The following IQSEC1 variants were observed in gnomAD, a reference collection of about 807,000 sequenced individuals.
IQSEC1 encodes IQ motif and SEC7 domain-containing protein 1.
Under a neutral mutation model 91.0 loss-of-function variants are expected in IQSEC1, and 31 were observed. That is an observed-to-expected ratio of 0.34 (90% CI 0.26 to 0.46). The LOEUF (loss-of-function observed/expected upper bound fraction) is 0.46, where lower values mean the gene tolerates loss of function less well. Among genes scored for constraint, IQSEC1 ranks in the 20% least tolerant of loss-of-function variants. The probability of loss-of-function intolerance (pLI) is 1.00; values close to 1 mark genes in which losing one functional copy is unlikely to be tolerated. For synonymous variants in IQSEC1, 699 were observed against 662.6 expected, an observed-to-expected ratio of 1.05 and a Z score of -0.84; for missense variants, 1,388 against 1,575.6, an observed-to-expected ratio of 0.88 and a Z score of 2.02.
intron 2 of IQSEC1, among the ~76,000 whole-genome samples, chr3:13,140,678 C>T (rs188982185): frequency 7.4e-4 from 112 of 152,290 alleles, no homozygotes; most frequent in Non-Finnish European, 9.1e-4. Flanking sequence ...AGACCATGCG[C>T]GCCCCAGCAC....
At position 12,898,195 on chromosome 3, in the gene IQSEC1, G is replaced by C. The variant is rs1236245133; in HGVS notation, c.*2788C>G. 4 of 152,258 alleles carry C rather than the reference G, an allele frequency of 2.6e-5. No individual in the cohort carries two copies. Among genetic ancestry groups the C allele is most frequent in the Non-Finnish European group, 4.4e-5 (3 of 68,058 alleles). The allele number at this position is 152,258 out of a possible 1,614,324, so 9.4% of individuals were successfully genotyped here. ...CCCGAAGCTGTGGCTCTGACAGGTG[G>C]GATCTCTAAAGGGGACAGTCCCATG... On this transcript the variant is annotated 3_prime_UTR_variant, in exon 14 of 14. Coordinates refer to ENST00000613206, the MANE Select transcript of IQSEC1 (RefSeq NM_001134382.3).
rs1702753812 is a variant in IQSEC1 at position 13,008,970 on chromosome 3, C to T, written c.23+64022G>A. 6.6e-6 allele frequency among the ~76,000 whole-genome samples: 1 copy of T among 152,230 alleles called. No individual in the cohort carries two copies. The highest frequency in any genetic ancestry group is 1.5e-5 in the Non-Finnish European group (1 of 68,050). ...GCCCAGAGAAGTGAAGTGACTTGCACAAGGCCACATGGCTTGTATGCTGCA... is the reference window on the plus strand; with the variant it reads ...GCCCAGAGAAGTGAAGTGACTTGCATAAGGCCACATGGCTTGTATGCTGCA... On this transcript the variant is annotated intron_variant, in intron 1 of 13. Coordinates refer to ENST00000613206, the MANE Select transcript of IQSEC1 (RefSeq NM_001134382.3). This position sits in a 1 kb window ranked among gnomAD's most constrained non-coding sequence, Gnocchi z 4.1.
chr3:13,108,021 A>C (rs542254437), intron 2 of IQSEC1, among the ~76,000 whole-genome samples: 2 of 112,430 alleles, frequency 1.8e-5, no homozygotes, highest in African/African-American at 3.4e-5. Context: ...CAAACAAAAA[A>C]ATTATAAAAA....
At position 12,935,810 on chromosome 3, in the gene IQSEC1, G is replaced by A. The variant is rs1698122946; in HGVS notation, c.1206C>T (p.Gly402=). ...CGCTGTGGGGACCATGCTTGGGACT[G>A]CCCTGCTGCCCGCCAAGGCTGCGCT... The part of the protein sequence containing the change: ...AYERSLGGQQ[G]SPKHGPHSGA... The change falls in exon 3 of 14, where the codon GGC becomes GGT. Residue 402 remains glycine (G), a synonymous_variant. Transcript: ENST00000613206. This position sits in a 1 kb window ranked among gnomAD's most constrained non-coding sequence, Gnocchi z 8.0. 1 of 1,607,660 alleles carries A rather than the reference G, an allele frequency of 6.2e-7. No homozygotes were observed. Among genetic ancestry groups the A allele is most frequent in the African/African-American group, 1.3e-5 (1 of 74,952 alleles).
At chr3:12,915,036 ACT>A (rs1695942358) in intron 8 of IQSEC1, 66 bp downstream of exon 8, 1 of 1,500,768 alleles carries the variant, frequency 6.7e-7, no homozygotes, top group Admixed American at 1.9e-5. Flanking sequence ...GAGCCGGCGG[ACT>A]GGCTGATGCT....
intron 2 of IQSEC1, among the ~76,000 whole-genome samples, chr3:13,145,809 G>C (rs1361612622): frequency 1.5e-5 from 2 of 135,378 alleles, no homozygotes; most frequent in Admixed American, 7.3e-5. Flanking sequence ...GGGGGCGGGG[G>C]GGGGGGGTCC....
At chr3:13,245,723 C>T (rs1004161788) in intron 1 of IQSEC1, among the ~76,000 whole-genome samples, 2 of 149,822 alleles carry the variant, frequency 1.3e-5, no homozygotes, top group African/African-American at 2.5e-5. Context: ...GCAGAGGTCG[C>T]GCCACTGCAC....
chr3:12,909,470 G>A lies in IQSEC1; in HGVS notation c.2417-36C>T, dbSNP rs757334253. ...GAAGGAGAGGGGAGGAGGCCCACGG[G>A]TCTCAGTGTGTTCTCTGCAATCTCC... On this transcript the variant is annotated intron_variant, in intron 10 of 13. Coordinates refer to ENST00000613206, the MANE Select transcript of IQSEC1 (RefSeq NM_001134382.3). The surrounding 1 kb of genome is among the most constrained non-coding windows in gnomAD (Gnocchi z 4.9). The A allele has an allele frequency of 3.1e-5, 50 of 1,590,046 alleles. No individual in the cohort carries two copies. In the South Asian group the frequency reaches 4.9e-4, roughly 16 times the overall value.
At chr3:13,208,181 G>A (rs1289881206) in intron 1 of IQSEC1, among the ~76,000 whole-genome samples, 1 of 150,252 alleles carries the variant, frequency 6.7e-6, no homozygotes, top group Non-Finnish European at 1.5e-5. Flanking sequence ...ACTAGATCTG[G>A]AGCAGCCACT....
At position 12,922,104 on chromosome 3, in the gene IQSEC1, CCAG is replaced by C; in HGVS notation, c.1853+13_1853+15del. ...TTCTTCCCTGATGCAGCAGCCCCAG[CCAG>C]CCCGGGCCCCACCTGAACGCCTCTA... On this transcript the variant is annotated intron_variant, in intron 5 of 13. Transcript: ENST00000613206. This position sits in a 1 kb window ranked among gnomAD's most constrained non-coding sequence, Gnocchi z 5.1. 6.4e-7 allele frequency: 1 copy of C among 1,559,420 alleles called. No homozygotes were observed. Among genetic ancestry groups the C allele is most frequent in the Non-Finnish European group, 8.7e-7 (1 of 1,146,978 alleles).
At chr3:13,090,939 C>T (rs543768093) in intron 2 of IQSEC1, among the ~76,000 whole-genome samples, 118 of 152,278 alleles carry the variant, frequency 7.7e-4, no homozygotes, top group African/African-American at 2.6e-3. Context: ...GAACCCCAGC[C>T]GCGGGGACAG....
chr3:13,068,979 A>C (rs1705325514), intron 1 of IQSEC1, among the ~76,000 whole-genome samples: 1 of 152,138 alleles, frequency 6.6e-6, no homozygotes, highest in Non-Finnish European at 1.5e-5. Context: ...TGCACCATGA[A>C]CACTAGCTGA....
intron 1 of IQSEC1, among the ~76,000 whole-genome samples, chr3:12,981,087 A>G (rs1331183870): frequency 1.3e-5 from 2 of 152,160 alleles, no homozygotes; most frequent in Non-Finnish European, 2.9e-5. Context: ...TGATGGATGA[A>G]CGAGGCCCCA....
chr3:12,920,661 CGCTGA>C, intron 5 of IQSEC1, 65 bp from the exon 6 acceptor site: 1 of 1,527,850 alleles, frequency 6.5e-7, no homozygotes, highest in Non-Finnish European at 9.0e-7. Context: ...CTCTCTCACC[CGCTGA>C]GGCTGTCATG....
chr3:13,003,406 A>C (rs527857362), intron 1 of IQSEC1, among the ~76,000 whole-genome samples: 61 of 152,300 alleles, frequency 4.0e-4, no homozygotes, highest in Non-Finnish European at 8.1e-4. Context: ...GTATGATTCC[A>C]AAAGGATATG....
chr3:12,915,755 A>G (rs1244372262), intron 6 of IQSEC1, 22 bp from the exon 7 acceptor site: 1 of 1,611,922 alleles, frequency 6.2e-7, no homozygotes, highest in African/African-American at 1.3e-5. Flanking sequence ...ATGCAGCTGG[A>G]TATCAGGGTG....
At position 13,100,890 on chromosome 3, in the gene IQSEC1, T is replaced by G. The variant is rs1191049477; in HGVS notation, c.303-53368A>C. On this transcript the variant is annotated intron_variant, in intron 2 of 15. Coordinates refer to the IQSEC1 transcript ENST00000648114. ...ATGCTTTGAAAGGCCACTCAGCCAG[T>G]GCTGTGAAGATGAAGAGGGGCGGCC... Among the ~76,000 whole-genome samples the G allele has an allele frequency of 1.4e-4, 21 of 148,470 alleles. 2 individuals carry two copies. Among genetic ancestry groups the G allele is most frequent in the African/African-American group, 5.1e-4 (20 of 39,316 alleles).
In IQSEC1 at chr3:12,924,020, A is replaced by G. The variant is rs1696882986; in HGVS notation, c.1730+561T>C. Reference sequence around the variant, plus strand: ...AGGTGGGGGCAGGACGCACAGCCCCAATATCCCAGCCGGGAGAATGAGGCA... The same window carrying G: ...AGGTGGGGGCAGGACGCACAGCCCCGATATCCCAGCCGGGAGAATGAGGCA... On this transcript the variant is annotated intron_variant, in intron 4 of 13. Coordinates refer to ENST00000613206, the MANE Select transcript of IQSEC1 (RefSeq NM_001134382.3). The surrounding 1 kb of genome is among the most constrained non-coding windows in gnomAD (Gnocchi z 6.3). Among the ~76,000 whole-genome samples, 1 of 152,188 alleles carries G rather than the reference A, an allele frequency of 6.6e-6. No homozygotes were observed. Among genetic ancestry groups the G allele is most frequent in the African/African-American group, 2.4e-5 (1 of 41,446 alleles).
chr3:12,921,725 G>A (rs1575913381), intron 5 of IQSEC1, among the ~76,000 whole-genome samples: 1 of 152,258 alleles, frequency 6.6e-6, no homozygotes, highest in Admixed American at 6.5e-5. Context: ...CCGAGTCACT[G>A]TGAATGAGCA....
Sources: gnomAD v4.1 joint callset for allele counts (sites outside exome capture counted in the v4.1 genomes callset) on GRCh38, gnomAD v4.1.1 for gene constraint, Gnocchi (gnomAD v3.1) non-coding constraint, MANE v1.5 for transcripts, NCBI Gene and HGNC (gene_info 2026-07-23, HGNC 2026-07-21) for gene names.